RGS6: variants seen among roughly 807,000 people sequenced by gnomAD.
RGS6 encodes regulator of G-protein signaling 6.
RGS6 carries 30 observed loss-of-function variants against 78.5 expected under a neutral mutation model. The observed-to-expected ratio is 0.38, with a 90% CI of 0.29 to 0.52. The LOEUF is 0.52. RGS6 is among the 20% of genes least tolerant of loss of function. The pLI is 0.85. For synonymous variants in RGS6, 206 were observed against 206.0 expected (o/e 1.00, Z 0.00); for missense variants, 495 against 609.7 (o/e 0.81, Z 1.98).
chr14:72,552,162 G>A (rs2097517393), intron 17 of RGS6, among the ~76,000 whole-genome samples: 1 of 152,234 alleles, frequency 6.6e-6, no homozygotes, highest in African/African-American at 2.4e-5. Flanking sequence ...TGCACAAGGT[G>A]CATGTATTAC....
chr14:71,877,061 C>A, the RGS6 span, among the ~76,000 whole-genome samples: 1 of 152,212 alleles, frequency 6.6e-6, no homozygotes, highest in Non-Finnish European at 1.5e-5. Flanking sequence ...AGTCTGATGG[C>A]TTCCCTTTGT....
At chr14:72,189,566 C>T (rs766520297) in intron 2 of RGS6, among the ~76,000 whole-genome samples, 20 of 152,066 alleles carry the variant, frequency 1.3e-4, no homozygotes, top group Non-Finnish European at 2.5e-4. Context: ...ATAAGAGGGC[C>T]TTGATCATTG....
the RGS6 span, among the ~76,000 whole-genome samples, chr14:71,874,116 G>T: frequency 6.6e-6 from 1 of 152,144 alleles, no homozygotes; most frequent in African/African-American, 2.4e-5. Flanking sequence ...GAGTGTCTTG[G>T]CAATGTGGGC....
intron 15 of RGS6, among the ~76,000 whole-genome samples, chr14:72,520,271 A>G (rs2097017909): frequency 6.6e-6 from 1 of 152,222 alleles, no homozygotes; most frequent in Non-Finnish European, 1.5e-5. Context: ...TCCTGTAAAG[A>G]GTTCCAAGCT....
chr14:72,021,464 CTTTTTT>C (rs533727083), intron 2 of RGS6, among the ~76,000 whole-genome samples: 14 of 122,394 alleles, frequency 1.1e-4, no homozygotes, highest in East Asian at 2.5e-4. Flanking sequence ...CTTTTTCTAA[CTTTTTT>C]TTTTTTTTTT....
chr14:72,611,969 A>G, the RGS6 span, among the ~76,000 whole-genome samples: 1 of 152,160 alleles, frequency 6.6e-6, no homozygotes, highest in Non-Finnish European at 1.5e-5. Flanking sequence ...CTGAAAAGCA[A>G]CTTGAAGGCT....
intron 2 of RGS6, among the ~76,000 whole-genome samples, chr14:72,222,097 C>T (rs1423856995): frequency 6.6e-6 from 1 of 152,238 alleles, no homozygotes; most frequent in Non-Finnish European, 1.5e-5. Flanking sequence ...TCAACTAATA[C>T]TAGCATTGTG....
the RGS6 span, among the ~76,000 whole-genome samples, chr14:71,915,936 A>G: frequency 9.6e-3 from 1,456 of 152,316 alleles, 34 homozygotes; most frequent in African/African-American, 0.033. Context: ...GACCACGGGA[A>G]GGCACAGCAA....
intron 2 of RGS6, among the ~76,000 whole-genome samples, chr14:72,331,197 T>G (rs2074941997): frequency 6.7e-6 from 1 of 149,972 alleles, no homozygotes; most frequent in Non-Finnish European, 1.5e-5. Context: ...GCATCTGCCC[T>G]GGCCTGCTGT....
chr14:72,592,436 T>TAAC, the RGS6 span, among the ~76,000 whole-genome samples: 1 of 152,228 alleles, frequency 6.6e-6, no homozygotes, highest in Non-Finnish European at 1.5e-5. Context: ...AAAGGAAGTG[T>TAAC]AACAAGGTGT....
intron 2 of RGS6, among the ~76,000 whole-genome samples, chr14:72,047,407 G>A (rs531819412): frequency 4.6e-5 from 7 of 152,092 alleles, no homozygotes; most frequent in South Asian, 2.1e-4. Context: ...CCCTTTTCCC[G>A]TGAGGACACT....
chr14:72,613,029 T>C, the RGS6 span, among the ~76,000 whole-genome samples: 1 of 151,068 alleles, frequency 6.6e-6, no homozygotes, highest in Non-Finnish European at 1.5e-5. Context: ...TGTGTGTGTG[T>C]GTATGTGCGT....
intron 2 of RGS6, among the ~76,000 whole-genome samples, chr14:72,111,787 A>G (rs530164274): frequency 6.6e-6 from 1 of 152,130 alleles, no homozygotes; most frequent in East Asian, 1.9e-4. Context: ...TTCAGTGCGC[A>G]CTCAAAAGGG....
At chr14:71,986,928 C>T (rs2094737436) in intron 2 of RGS6, among the ~76,000 whole-genome samples, 1 of 152,158 alleles carries the variant, frequency 6.6e-6, no homozygotes, top group African/African-American at 2.4e-5. Flanking sequence ...TTCTCCAACT[C>T]TGACCTTCCT....
chr14:72,616,104 T>TACCA, the RGS6 span, among the ~76,000 whole-genome samples: 1 of 152,216 alleles, frequency 6.6e-6, no homozygotes, highest in African/African-American at 2.4e-5. Flanking sequence ...CCAGGATCTT[T>TACCA]ACCAATGTCA....
chr14:72,618,596 C>T, the RGS6 span, among the ~76,000 whole-genome samples: 1 of 152,198 alleles, frequency 6.6e-6, no homozygotes, highest in African/African-American at 2.4e-5. Context: ...ATGGCGGGGC[C>T]TTGGCACCAT....
intron 15 of RGS6, among the ~76,000 whole-genome samples, chr14:72,535,613 C>T (rs527555336): frequency 6.6e-6 from 1 of 152,280 alleles, no homozygotes; most frequent in African/African-American, 2.4e-5. Context: ...AACTTTATCA[C>T]GTGTTAAGAT....
intron 2 of RGS6, among the ~76,000 whole-genome samples, chr14:72,250,256 CT>C (rs1402526693): frequency 6.6e-6 from 1 of 151,112 alleles, no homozygotes; most frequent in African/African-American, 2.4e-5. Flanking sequence ...AAAAAAGTAA[CT>C]GTGTTTTCTT....
chr14:72,055,753 G>A (rs1449397419), intron 2 of RGS6, among the ~76,000 whole-genome samples: 1 of 152,122 alleles, frequency 6.6e-6, no homozygotes, highest in Non-Finnish European at 1.5e-5. Flanking sequence ...CATAAGCTCA[G>A]GGTAGCCTGA....
Sources: gnomAD v4.1 joint callset for allele counts (sites outside exome capture counted in the v4.1 genomes callset) on GRCh38, gnomAD v4.1.1 for gene constraint, MANE v1.5 for transcripts, NCBI Gene and HGNC (gene_info 2026-07-23, HGNC 2026-07-21) for gene names.